CMBL: variants seen among roughly 807,000 people sequenced by gnomAD.
CMBL encodes the protein carboxymethylenebutenolidase homolog, also known as carboxymethylenebutenolidase homolog (Pseudomonas).
A neutral mutation model predicts 28.7 loss-of-function variants in CMBL; 17 were observed. The observed-to-expected ratio is 0.59, with a 90% CI of 0.41 to 0.89. The LOEUF is 0.89. Ranked by LOEUF, CMBL falls within the 40% of genes least tolerant of loss-of-function variation. The pLI is 0.00. For missense variants in CMBL, 310 were observed against 298.5 expected (o/e 1.04, Z -0.28); for synonymous variants, 106 against 101.6 (o/e 1.04, Z -0.26).
chr5:10,299,657 T>A (rs552213257), intron 1 of CMBL, among the ~76,000 whole-genome samples: 48 of 148,054 alleles, frequency 3.2e-4, no homozygotes, highest in Non-Finnish European at 6.7e-4. Context: ...CTGGGCAACA[T>A]GGTAAAACCC....
intron 1 of CMBL, chr5:10,307,128 C>T (rs1043671414): frequency 3.3e-5 from 5 of 152,234 alleles, no homozygotes; most frequent in African/African-American, 1.2e-4. Flanking sequence ...GACCCAGCAC[C>T]TCTCTTCTTA....
Position 10,290,684 on chromosome 5 carries a change from C to G in CMBL, c.79G>C (p.Val27Leu). Residue 27 changes from valine (V) to leucine (L), a missense_variant, in exon 2 of 6, where the codon GTC becomes CTC. Val to Leu is a conservative substitution (Grantham distance 32). Coordinates refer to ENST00000296658, the MANE Select transcript of CMBL (RefSeq NM_138809.4). ...EYGGLGREVQ[V>L]EHIKAYVTKS... ...GTGACATAAGCCTTGATGTGCTCGA[C>G]TTGAACTTCACGGCCTAGCCCTCCA... The G allele has an allele frequency of 6.2e-7, 1 of 1,614,224 alleles. No homozygotes were observed. The highest frequency in any genetic ancestry group is 1.3e-5 in the African/African-American group (1 of 75,052).
rs1281936463 is a variant in CMBL, at chr5:10,279,395, C to T, written c.*1058G>A. ...TGTGACAAATTCAGCTGTTTTGTGGCATAGATAAGTGTCTAAGCTGGGCAG... is the reference window on the plus strand; with the variant it reads ...TGTGACAAATTCAGCTGTTTTGTGGTATAGATAAGTGTCTAAGCTGGGCAG... On this transcript the variant is annotated 3_prime_UTR_variant, in exon 6 of 6. Transcript: ENST00000296658. The T allele has an allele frequency of 1.3e-5, 2 of 152,300 alleles. No individual in the cohort carries two copies. The highest frequency in any genetic ancestry group is 3.9e-4 in the East Asian group (2 of 5,188). 9.4% of individuals were successfully genotyped at this position (152,300 alleles called of 1,614,324 possible). A position where few individuals can be genotyped will look rare whatever the true frequency, so the allele number is the denominator to read the frequency against.
intron 5 of CMBL, among the ~76,000 whole-genome samples, chr5:10,281,070 G>A (rs1746491271): frequency 1.3e-5 from 2 of 152,138 alleles, no homozygotes; most frequent in African/African-American, 2.4e-5. Flanking sequence ...CACGGCGCCC[G>A]GCCTCTACTG....
chr5:10,307,039 A>G (rs139276458), intron 1 of CMBL, among the ~76,000 whole-genome samples: 3 of 152,304 alleles, frequency 2.0e-5, no homozygotes, highest in African/African-American at 7.2e-5. Context: ...CCCGACCCAC[A>G]TGGCTGTGGG....
Position 10,278,572 on chromosome 5 carries a change from T to C in CMBL, c.*1881A>G, listed in dbSNP as rs993076613. Among the ~76,000 whole-genome samples the C allele has an allele frequency of 5.3e-5, 8 of 152,048 alleles. No homozygotes were observed. The highest frequency in any genetic ancestry group is 1.2e-4 in the Non-Finnish European group (8 of 68,032). On this transcript the variant is annotated 3_prime_UTR_variant, in exon 6 of 6. Coordinates refer to ENST00000296658, the MANE Select transcript of CMBL (RefSeq NM_138809.4). The stretch of plus-strand genomic sequence containing the variant: ...GAAGGCTTTGGCTCATAGCTCCCTC[T>C]CTCTCTCGTTCTCCACCTTCTGGTT...
intron 2 of CMBL, 135 bp from the exon 3 acceptor site, chr5:10,288,664 A>G (rs1746651384): frequency 1.5e-6 from 1 of 679,314 alleles, no homozygotes; most frequent in Non-Finnish European, 2.6e-6. Context: ...GTGAAGGCCA[A>G]TTTTGATCGC....
At position 10,278,211 on chromosome 5, in the gene CMBL, A is replaced by G. The variant is rs1463849628; in HGVS notation, c.*2242T>C. 1.3e-5 allele frequency among the ~76,000 whole-genome samples: 2 copies of G among 152,228 alleles called. No individual in the cohort carries two copies. The highest frequency in any genetic ancestry group is 4.8e-5 in the African/African-American group (2 of 41,458). On this transcript the variant is annotated 3_prime_UTR_variant, in exon 6 of 6. Transcript: ENST00000296658. The stretch of plus-strand genomic sequence containing the variant: ...TCTTTGAATTTTATGTTTCCTGAGC[A>G]TCTATTTGAATGTAAGTTGGACTTT...
intron 1 of CMBL, among the ~76,000 whole-genome samples, chr5:10,297,279 G>A (rs1054614817): frequency 6.7e-6 from 1 of 150,374 alleles, no homozygotes; most frequent in African/African-American, 2.4e-5. Flanking sequence ...ACAGAAAAAG[G>A]AGCAAAGAGG....
intron 1 of CMBL, among the ~76,000 whole-genome samples, chr5:10,304,855 G>A (rs1020396863): frequency 2.0e-5 from 3 of 152,152 alleles, no homozygotes; most frequent in African/African-American, 2.4e-5. Context: ...AGATCTATCA[G>A]ATCTGCCACT....
chr5:10,307,411 G>C (rs1040807166), intron 1 of CMBL: 3 of 152,216 alleles, frequency 2.0e-5, no homozygotes, highest in African/African-American at 7.2e-5. Flanking sequence ...GTAAACAGCG[G>C]CTGCTTCGGA....
intron 1 of CMBL, among the ~76,000 whole-genome samples, chr5:10,302,045 G>T (rs1746909710): frequency 6.6e-6 from 1 of 152,216 alleles, no homozygotes; most frequent in Admixed American, 6.5e-5. Flanking sequence ...GCCCGTGTGT[G>T]TCGAAGGCTG....
At chr5:10,297,133 C>A (rs924305509) in intron 1 of CMBL, among the ~76,000 whole-genome samples, 5 of 148,070 alleles carry the variant, frequency 3.4e-5, no homozygotes, top group African/African-American at 1.2e-4. Flanking sequence ...TGCAGTGAAC[C>A]GAGATCACGC....
At chr5:10,288,943 C>A (rs1475066377) in intron 2 of CMBL, among the ~76,000 whole-genome samples, 1 of 152,226 alleles carries the variant, frequency 6.6e-6, no homozygotes, top group Non-Finnish European at 1.5e-5. Flanking sequence ...GCACACCTGG[C>A]TAACTTGTCC....
At chr5:10,297,068 C>T (rs1215609045) in intron 1 of CMBL, among the ~76,000 whole-genome samples, 2 of 151,668 alleles carry the variant, frequency 1.3e-5, no homozygotes, top group African/African-American at 4.8e-5. Flanking sequence ...GCCTATAATC[C>T]CAGCTACTTG....
intron 1 of CMBL, among the ~76,000 whole-genome samples, chr5:10,301,606 GTT>G (rs371796871): frequency 7.6e-6 from 1 of 132,258 alleles, no homozygotes; most frequent in Non-Finnish European, 1.6e-5. Context: ...TTCTTTTCGG[GTT>G]TTTTTTTTTT....
At chr5:10,284,400 G>C (rs569459887) in intron 4 of CMBL, among the ~76,000 whole-genome samples, 2 of 152,306 alleles carry the variant, frequency 1.3e-5, no homozygotes, top group Admixed American at 1.3e-4. Context: ...ACCCAAGAAG[G>C]AATCATTAGT....
intron 4 of CMBL, 115 bp downstream of exon 4, chr5:10,286,239 G>A (rs1746602162): frequency 1.0e-6 from 1 of 1,003,070 alleles, no homozygotes; most frequent in Non-Finnish European, 1.5e-6. Flanking sequence ...TCCATAAGAT[G>A]GGCAGTCTTC....
chr5:10,287,617 C>G (rs762087482), intron 3 of CMBL, among the ~76,000 whole-genome samples: 1 of 152,166 alleles, frequency 6.6e-6, no homozygotes, highest in African/African-American at 2.4e-5. Context: ...TGATATTGAT[C>G]ATCATCACAT....
Sources: gnomAD v4.1 joint callset for allele counts (sites outside exome capture counted in the v4.1 genomes callset) on GRCh38, gnomAD v4.1.1 for gene constraint, MANE v1.5 for transcripts, NCBI Gene and HGNC (gene_info 2026-07-23, HGNC 2026-07-21) for gene names.